Variants in OSBPL10 observed in about 807,000 individuals in gnomAD.
OSBPL10 encodes oxysterol binding protein like 10.
Under a neutral mutation model 81.7 loss-of-function variants are expected in OSBPL10, and 49 were observed. The observed-to-expected ratio is 0.60, with a 90% CI of 0.48 to 0.76. The LOEUF is 0.76. OSBPL10 is among the 30% of genes least tolerant of loss of function. The pLI is 0.00. For synonymous variants in OSBPL10, 419 were observed against 383.6 expected (o/e 1.09, Z -1.08); for missense variants, 923 against 987.8 (o/e 0.93, Z 0.88).
intron 4 of OSBPL10, chr3:31,797,866 G>A (rs754954895): frequency 3.5e-5 from 16 of 451,998 alleles, no homozygotes; most frequent in Admixed American, 2.4e-5. Flanking sequence ...ATGGGGGGGT[G>A]AATGTTAGAT....
intron 1 of OSBPL10, among the ~76,000 whole-genome samples, chr3:31,939,412 G>T (rs1019165259): frequency 6.6e-6 from 1 of 151,220 alleles, no homozygotes; most frequent in African/African-American, 2.4e-5. Context: ...CAAAGTGCTG[G>T]GATTACAGGC....
In OSBPL10 at chr3:32,075,040, TACTTGTGGGTCTACG is replaced by T. The variant is rs148087397; in HGVS notation, n.185+2341_185+2355del. 6.9e-3 allele frequency among the ~76,000 whole-genome samples: 1,058 copies of T among 152,322 alleles called. 9 individuals are homozygous for T. Among genetic ancestry groups the T allele is most frequent in the African/African-American group, 0.024 (1,012 of 41,580 alleles). ...AAAAGAGTCATCCGACTAATCCCTT[TACTTGTGGGTCTACG>T]ACTTTCTGCTTCCACTATTGTACTT... On this transcript the variant is annotated intron_variant and non_coding_transcript_variant, in intron 1 of 3. Coordinates refer to the OSBPL10 transcript ENST00000479173.
At chr3:31,970,783 A>G (rs141786359) in intron 1 of OSBPL10, among the ~76,000 whole-genome samples, 60 of 143,824 alleles carry the variant, frequency 4.2e-4, no homozygotes, top group African/African-American at 1.3e-3. Flanking sequence ...GCGGCTTAAG[A>G]GCTTCTTCAG....
chr3:31,965,851 A>ATATTATATATATTATATAAAT (rs1467396829), intron 1 of OSBPL10, among the ~76,000 whole-genome samples: 4 of 61,726 alleles, frequency 6.5e-5, no homozygotes, highest in Admixed American at 3.2e-4. Flanking sequence ...ATTATATAAA[A>ATATTATATATATTATATAAAT]AGATAATATA....
At chr3:31,825,140 A>AT (rs1020874126) in intron 4 of OSBPL10, among the ~76,000 whole-genome samples, 3 of 151,968 alleles carry the variant, frequency 2.0e-5, no homozygotes, top group African/African-American at 4.8e-5. Context: ...AGGTTTGGGG[A>AT]TTTTTTTGTT....
intron 4 of OSBPL10, among the ~76,000 whole-genome samples, chr3:31,754,957 A>T (rs919720983): frequency 6.6e-6 from 1 of 152,062 alleles, no homozygotes; most frequent in Admixed American, 6.6e-5. Context: ...TTAGGCTGGA[A>T]GTCTCATGTT....
At chr3:32,048,722 T>C (rs1305195500) in intron 1 of OSBPL10, among the ~76,000 whole-genome samples, 1 of 152,046 alleles carries the variant, frequency 6.6e-6, no homozygotes, top group Non-Finnish European at 1.5e-5. Flanking sequence ...GCAACTCCAT[T>C]TTGAATAGGG....
At chr3:31,915,922 C>T (rs1367974595) in intron 1 of OSBPL10, among the ~76,000 whole-genome samples, 2 of 151,692 alleles carry the variant, frequency 1.3e-5, no homozygotes, top group African/African-American at 2.4e-5. Flanking sequence ...GGCGAAACCC[C>T]GTCTCTACTA....
At chr3:31,810,472 CTT>C (rs967349527) in intron 4 of OSBPL10, among the ~76,000 whole-genome samples, 3 of 145,406 alleles carry the variant, frequency 2.1e-5, no homozygotes, top group Non-Finnish European at 3.0e-5. Flanking sequence ...AAGATTGACA[CTT>C]TGACTATGAA....
chr3:32,048,106 T>G (rs1445028525), intron 1 of OSBPL10, among the ~76,000 whole-genome samples: 1 of 152,156 alleles, frequency 6.6e-6, no homozygotes, highest in African/African-American at 2.4e-5. Context: ...AAGATGGAGT[T>G]GCTATGCTTC....
At chr3:31,887,321 T>TG (rs1310258088) in intron 1 of OSBPL10, among the ~76,000 whole-genome samples, 2 of 152,170 alleles carry the variant, frequency 1.3e-5, no homozygotes, top group South Asian at 2.1e-4. Context: ...GTATGTGAAG[T>TG]GGGGGGCCAA....
At chr3:32,037,495 TTTTTTTTCAA>T (rs1043442994) in intron 2 of OSBPL10, 1 of 191,200 alleles carries the variant, frequency 5.2e-6, no homozygotes, top group African/African-American at 2.4e-5. Flanking sequence ...TAAAAAAATT[TTTTTTTTCAA>T]TTTTTTTAAC....
intron 1 of OSBPL10, among the ~76,000 whole-genome samples, chr3:31,929,543 C>T (rs971534904): frequency 6.6e-5 from 10 of 151,762 alleles, no homozygotes; most frequent in African/African-American, 2.2e-4. Context: ...GTCAGGAGAT[C>T]GAGACCATCC....
intron 8 of OSBPL10, among the ~76,000 whole-genome samples, chr3:31,681,041 C>T (rs1289715347): frequency 6.6e-6 from 1 of 152,100 alleles, no homozygotes; most frequent in African/African-American, 2.4e-5. Context: ...TACATCTTTC[C>T]CCCACAGATA....
In OSBPL10 at chr3:31,879,531, C is replaced by T. The variant is rs1411267372; in HGVS notation, c.457+124G>A. 4 of 996,300 alleles carry T rather than the reference C, an allele frequency of 4.0e-6. No homozygotes were observed. In the African/African-American group the frequency reaches 6.6e-5, roughly 17 times the overall value. The allele number at this position is 996,300 out of a possible 1,614,324, so 61.7% of individuals were successfully genotyped here. A position where few individuals can be genotyped will look rare whatever the true frequency, so the allele number is the denominator to read the frequency against. On this transcript the variant is annotated intron_variant, in intron 2 of 11. Transcript: ENST00000396556. ...ATAAGAGAGGCAATGTGTGTCACCA[C>T]AGAGTCCTCCAAACACAGCAAACTG... is the stretch of plus-strand genomic sequence containing the variant.
At chr3:31,899,192 T>C (rs1351876604) in intron 1 of OSBPL10, among the ~76,000 whole-genome samples, 5 of 151,938 alleles carry the variant, frequency 3.3e-5, no homozygotes, top group Non-Finnish European at 5.9e-5. Context: ...TCCGCCCATC[T>C]CGGCCTCCCA....
intron 6 of OSBPL10, among the ~76,000 whole-genome samples, chr3:31,722,024 A>G (rs1372255499): frequency 1.3e-5 from 2 of 152,172 alleles, no homozygotes; most frequent in Non-Finnish European, 2.9e-5. Context: ...CATCCCCCAT[A>G]TCATGAAACA....
intron 1 of OSBPL10, among the ~76,000 whole-genome samples, chr3:31,912,177 T>A (rs1696599870): frequency 6.6e-6 from 1 of 152,044 alleles, no homozygotes; most frequent in Non-Finnish European, 1.5e-5. Flanking sequence ...AGGCAGATCA[T>A]GAGGTCAGGA....
chr3:31,990,197 A>T (rs755757253), intron 2 of OSBPL10: 3 of 1,613,992 alleles, frequency 1.9e-6, no homozygotes, highest in Non-Finnish European at 2.5e-6. Context: ...TACAAGTGTA[A>T]TGAGTGTGGC....
Sources: gnomAD v4.1 joint callset for allele counts (sites outside exome capture counted in the v4.1 genomes callset) on GRCh38, gnomAD v4.1.1 for gene constraint, MANE v1.5 for transcripts, NCBI Gene and HGNC (gene_info 2026-07-23, HGNC 2026-07-21) for gene names.